Variants in NIPSNAP3B observed in about 807,000 individuals in gnomAD.
NIPSNAP3B encodes nipsnap homolog 3B, also known as protein NipSnap homolog 3B.
Under a neutral mutation model 31.5 loss-of-function variants are expected in NIPSNAP3B, and 30 were observed. The ratio of observed to expected loss-of-function variants is 0.95; its 90% CI spans 0.71 to 1.29. NIPSNAP3B has a LOEUF of 1.29. Ranked by LOEUF, NIPSNAP3B falls within the 50% of genes most tolerant of loss-of-function variation. The pLI is 0.00. For synonymous variants in NIPSNAP3B, 106 were observed against 107.9 expected, an observed-to-expected ratio of 0.98 and a Z score of 0.11; for missense variants, 269 against 300.7, an observed-to-expected ratio of 0.89 and a Z score of 0.78.
chr9:104,779,621 G>GTTTT (rs11432680), downstream of NIPSNAP3B, among the ~76,000 whole-genome samples: 199 of 147,180 alleles, frequency 1.4e-3, 1 homozygote, highest in African/African-American at 4.6e-3. Flanking sequence ...AGCTAAGTGG[G>GTTTT]TTTTTTTTTT....
At position 104,772,998 on chromosome 9, in the gene NIPSNAP3B, T is replaced by G; in HGVS notation, c.669T>G (p.Val223=). 6.2e-7 allele frequency: 1 copy of G among 1,614,116 alleles called. No individual in the cohort carries two copies. Among genetic ancestry groups the G allele is most frequent in the South Asian group, 1.1e-5 (1 of 91,084 alleles). ...SHEDPRVVAA[V]RESVNYLVSQ... ...CCTTCTTATGAAATGTTTTTCCAGT[T>G]CGGGAAAGTGTCAACTACCTAGTTT... The change falls in exon 6 of 6, where the codon GTT becomes GTG. Residue 223 remains valine (V), a splice_region_variant and synonymous_variant. Transcript: ENST00000374762.
the NIPSNAP3B span, among the ~76,000 whole-genome samples, chr9:104,785,865 C>T: frequency 6.6e-6 from 1 of 152,186 alleles, no homozygotes; most frequent in Non-Finnish European, 1.5e-5. Context: ...CTCACCTGGA[C>T]CCATGAAGTC....
chr9:104,764,263 T>G lies in NIPSNAP3B; in HGVS notation c.23T>G (p.Leu8Arg), dbSNP rs1828040881. 2 of 1,600,104 alleles carry G rather than the reference T, an allele frequency of 1.2e-6. No homozygotes were observed. The highest frequency in any genetic ancestry group is 1.7e-6 in the Non-Finnish European group (2 of 1,175,286). MLVLRSG[L>R]TKALASRTLA... ...GCCATGCTCGTTCTCAGAAGCGGCCTGACCAAGGCGCTTGCCTCACGGACG... is the reference window on the plus strand; with the variant it reads ...GCCATGCTCGTTCTCAGAAGCGGCCGGACCAAGGCGCTTGCCTCACGGACG... Residue 8 changes from leucine to arginine, a missense_variant, in exon 1 of 6, where the codon CTG becomes CGG. Transcript: ENST00000374762.
chr9:104,785,958 T>A, the NIPSNAP3B span, among the ~76,000 whole-genome samples: 1 of 152,194 alleles, frequency 6.6e-6, no homozygotes, highest in South Asian at 2.1e-4. Context: ...AGGGCCAGGA[T>A]GCAAACCCAT....
intron 4 of NIPSNAP3B, among the ~76,000 whole-genome samples, chr9:104,772,207 T>TA (rs1828236147): frequency 6.8e-6 from 1 of 147,894 alleles, no homozygotes; most frequent in Non-Finnish European, 1.5e-5. Flanking sequence ...GTTTTTTTTT[T>TA]GTTTTTTTTT....
intron 1 of NIPSNAP3B, 62 bp from the exon 2 acceptor site, chr9:104,766,263 G>A: frequency 1.4e-6 from 2 of 1,401,236 alleles, no homozygotes; most frequent in Non-Finnish European, 1.0e-6. Flanking sequence ...CTCAGATTTG[G>A]TTGTAACCAA....
the NIPSNAP3B span, chr9:104,786,433 C>G: frequency 1.0e-5 from 16 of 1,545,506 alleles, no homozygotes; most frequent in East Asian, 3.6e-4. Flanking sequence ...GAGAGATTCT[C>G]TGTAACCATG....
intron 1 of NIPSNAP3B, 28 bp downstream of exon 1, chr9:104,764,328 C>T (rs756646884): frequency 6.4e-7 from 1 of 1,557,620 alleles, no homozygotes; most frequent in South Asian, 1.2e-5. Flanking sequence ...GCGCCCGAGC[C>T]CTGGCCGGAG....
the NIPSNAP3B span, among the ~76,000 whole-genome samples, chr9:104,789,120 G>T: frequency 6.6e-6 from 1 of 152,196 alleles, no homozygotes; most frequent in Non-Finnish European, 1.5e-5. Flanking sequence ...AGCCACAGCG[G>T]CATTGCCATG....
downstream of NIPSNAP3B, among the ~76,000 whole-genome samples, chr9:104,779,625 T>TTTG (rs1554693461): frequency 2.6e-5 from 4 of 151,852 alleles, no homozygotes; most frequent in African/African-American, 9.7e-5. Context: ...AAGTGGGTTT[T>TTTG]TTTTTTTTTT....
chr9:104,778,574 G>T (rs758634625), downstream of NIPSNAP3B, among the ~76,000 whole-genome samples: 1 of 152,162 alleles, frequency 6.6e-6, no homozygotes, highest in Non-Finnish European at 1.5e-5. Context: ...CTGAGCTTCA[G>T]ACTGAAATAC....
the NIPSNAP3B span, chr9:104,785,642 G>A: frequency 6.2e-7 from 1 of 1,613,818 alleles, no homozygotes; most frequent in Non-Finnish European, 8.5e-7. Context: ...CTCCAAACCT[G>A]AAAGCAGGAA....
Position 104,777,746 on chromosome 9 carries a change from AT to A in NIPSNAP3B, c.*4674del, listed in dbSNP as rs1200478657. On this transcript the variant is annotated 3_prime_UTR_variant, in exon 6 of 6. Transcript: ENST00000374762. ...ATTAACAGACAAGGAAAGAATCCAAATAAAAGTTCTGTAAACCAGCTGTTGT... is the reference window on the plus strand; with the variant it reads ...ATTAACAGACAAGGAAAGAATCCAAAAAAAGTTCTGTAAACCAGCTGTTGT... Among the ~76,000 whole-genome samples, 1 of 152,232 alleles carries A rather than the reference AT, an allele frequency of 6.6e-6. No individual in the cohort carries two copies. The highest frequency in any genetic ancestry group is 1.9e-4 in the East Asian group (1 of 5,198).
At chr9:104,771,239 C>G in intron 4 of NIPSNAP3B, 1 of 362,712 alleles carries the variant, frequency 2.8e-6, no homozygotes, top group Non-Finnish European at 5.0e-6. Flanking sequence ...TTTAGGTTCA[C>G]GGGGTACATG....
downstream of NIPSNAP3B, among the ~76,000 whole-genome samples, chr9:104,778,373 G>A (rs1828381558): frequency 1.3e-5 from 2 of 152,098 alleles, no homozygotes; most frequent in Non-Finnish European, 2.9e-5. Flanking sequence ...TTGGATTACA[G>A]GCATGCACCA....
At chr9:104,786,716 G>T in the NIPSNAP3B span, among the ~76,000 whole-genome samples, 1 of 152,106 alleles carries the variant, frequency 6.6e-6, no homozygotes, top group South Asian at 2.1e-4. Context: ...ATTTATACTG[G>T]GCTTGCATTT....
chr9:104,782,600 G>T (rs924814359), downstream of NIPSNAP3B: 1 of 152,076 alleles, frequency 6.6e-6, no homozygotes, highest in African/African-American at 2.4e-5. Flanking sequence ...TCTGAAAAAT[G>T]CTCCATATGG....
chr9:104,775,410 C>T lies in NIPSNAP3B; in HGVS notation c.*2337C>T, dbSNP rs973953749. On this transcript the variant is annotated 3_prime_UTR_variant, in exon 6 of 6. Transcript: ENST00000374762. ...TCTCCTTTCTTCTGGGAAGTTTCTT[C>T]GTTTCTCCGAAACACTCACTGCACA... Among the ~76,000 whole-genome samples the T allele has an allele frequency of 2.4e-4, 36 of 152,122 alleles. No homozygotes were observed. The highest frequency in any genetic ancestry group is 7.2e-4 in the Admixed American group (11 of 15,278).
the NIPSNAP3B span, chr9:104,790,859 A>T: frequency 8.6e-7 from 1 of 1,158,758 alleles, no homozygotes; most frequent in Non-Finnish European, 1.3e-6. Flanking sequence ...ATAACAACCT[A>T]TTTCTTTAAA....
Sources: allele counts gnomAD v4.1 joint callset (sites outside exome capture counted in the v4.1 genomes callset), GRCh38; gene constraint gnomAD v4.1.1; transcripts MANE v1.5; gene names NCBI Gene and HGNC (gene_info 2026-07-23, HGNC 2026-07-21).